INTS4: variants seen among roughly 807,000 people sequenced by gnomAD.
INTS4 encodes MSTP093.
Under a neutral mutation model 119.5 loss-of-function variants are expected in INTS4, and 70 were observed. The observed-to-expected ratio is 0.59, with a 90% CI of 0.48 to 0.71. The LOEUF (loss-of-function observed/expected upper bound fraction) is 0.71, where lower values mean the gene tolerates loss of function less well. Ranked by LOEUF, INTS4 falls within the 30% of genes least tolerant of loss-of-function variation. INTS4 has a pLI of 0.00. For missense variants in INTS4, 867 were observed against 1,173.2 expected, an observed-to-expected ratio of 0.74 and a Z score of 3.81; for synonymous variants, 316 against 419.6, an observed-to-expected ratio of 0.75 and a Z score of 3.02.
chr11:77,991,240 T>C lies in INTS4; in HGVS notation c.114A>G (p.Ala38=), dbSNP rs148695757. Residue 38 remains alanine, a synonymous_variant, in exon 2 of 23, where the codon GCA becomes GCG. Coordinates refer to ENST00000534064, the MANE Select transcript of INTS4 (RefSeq NM_033547.4). ...TAGCTTTACACAGATCTATGTGGAG[T>C]GCTGCAGATTTACTTGGTTTTGTTA... ...LRLTKPSKSA[A]LHIDLCKATS... 3 of 1,613,852 alleles carry C rather than the reference T, an allele frequency of 1.9e-6. No homozygotes were observed. The African/African-American group carries it at 4.0e-5, about 22-fold the overall frequency.
chr11:77,881,091 G>C (rs1456463268), intron 22 of INTS4, among the ~76,000 whole-genome samples: 2 of 152,102 alleles, frequency 1.3e-5, no homozygotes, highest in African/African-American at 2.4e-5. Context: ...GCGGAGAAGA[G>C]AGAAAACAAG....
chr11:77,942,204 G>C (rs1222135816), intron 8 of INTS4, among the ~76,000 whole-genome samples: 1 of 152,204 alleles, frequency 6.6e-6, no homozygotes, highest in Non-Finnish European at 1.5e-5. Context: ...GACAAGAAAA[G>C]AGATTACTGC....
rs1856085891 is a variant in INTS4 at position 77,979,173 on chromosome 11, G to A, written c.365-71C>T. ...TAACTATATAAACTAATTTACTTGG[G>A]TAAAGAATGTAGATTGGCTAGGCGC... is the stretch of plus-strand genomic sequence containing the variant. On this transcript the variant is annotated intron_variant, in intron 3 of 22. Coordinates refer to ENST00000534064, the MANE Select transcript of INTS4 (RefSeq NM_033547.4). 4.7e-6 allele frequency: 4 copies of A among 847,362 alleles called. No individual in the cohort carries two copies. The South Asian group carries it at 5.4e-5, about 11-fold the overall frequency. 52.5% of individuals were successfully genotyped at this position (847,362 alleles called of 1,614,324 possible).
chr11:77,970,681 T>C (rs1286793375), intron 4 of INTS4, among the ~76,000 whole-genome samples: 1 of 151,352 alleles, frequency 6.6e-6, no homozygotes, highest in Non-Finnish European at 1.5e-5. Flanking sequence ...ATACAAAAGT[T>C]AGCCAGGCAT....
intron 15 of INTS4, chr11:77,918,062 A>G (rs1410682327): frequency 3.0e-6 from 2 of 666,402 alleles, no homozygotes; most frequent in Non-Finnish European, 5.3e-6. Context: ...TCCCCACAGG[A>G]TGGAATACAG....
chr11:77,970,773 G>A (rs1411988877), intron 4 of INTS4, among the ~76,000 whole-genome samples: 1 of 152,088 alleles, frequency 6.6e-6, no homozygotes, highest in Non-Finnish European at 1.5e-5. Flanking sequence ...TTTTATTACA[G>A]CCATCCTAGA....
chr11:77,915,079 C>A, intron 15 of INTS4: 1 of 188,216 alleles, frequency 5.3e-6, no homozygotes, highest in East Asian at 1.3e-4. Context: ...GATTCATGTT[C>A]TGCAGCCCTT....
chr11:77,982,966 T>G (rs1045059613), intron 2 of INTS4, among the ~76,000 whole-genome samples: 8 of 152,216 alleles, frequency 5.3e-5, no homozygotes, highest in Non-Finnish European at 1.2e-4. Flanking sequence ...CCACTTATTA[T>G]GCACATAACT....
chr11:77,878,361 CAAAA>C (rs35818983), downstream of INTS4, among the ~76,000 whole-genome samples: 2 of 126,902 alleles, frequency 1.6e-5, no homozygotes, highest in African/African-American at 5.9e-5. Flanking sequence ...GACTCCATCT[CAAAA>C]AAAAAAAAAA....
chr11:77,970,977 T>C (rs1483299913), intron 4 of INTS4, among the ~76,000 whole-genome samples: 1 of 151,736 alleles, frequency 6.6e-6, no homozygotes, highest in Non-Finnish European at 1.5e-5. Context: ...CTGGCTAGTT[T>C]TTGTATTTTT....
chr11:77,928,266 A>C, intron 11 of INTS4, 76 bp downstream of exon 11: 1 of 1,485,978 alleles, frequency 6.7e-7, no homozygotes, highest in Non-Finnish European at 9.3e-7. Flanking sequence ...TCTGTCACCA[A>C]TGCCTAGCAC....
In INTS4 at chr11:77,924,685, A is replaced by C. The variant is rs930181246; in HGVS notation, c.1514+65T>G. On this transcript the variant is annotated intron_variant, in intron 12 of 22. Coordinates refer to ENST00000534064, the MANE Select transcript of INTS4 (RefSeq NM_033547.4). ...TCCTCAATCTATAAGGACGGAACAA[A>C]TGTCAGCATTATACATTTACCACAT... The C allele has an allele frequency of 1.2e-5, 18 of 1,472,840 alleles. No homozygotes were observed. In the South Asian group the frequency reaches 1.9e-4, roughly 15 times the overall value. The allele number at this position is 1,472,840 out of a possible 1,614,324, so 91.2% of individuals were successfully genotyped here.
At chr11:77,989,849 T>C (rs1856596275) in intron 2 of INTS4, among the ~76,000 whole-genome samples, 1 of 151,972 alleles carries the variant, frequency 6.6e-6, no homozygotes, top group Non-Finnish European at 1.5e-5. Context: ...CAGTGAGCCG[T>C]GATAGCACCA....
At chr11:77,964,598 T>TAAATAA (rs984597542) in intron 4 of INTS4, among the ~76,000 whole-genome samples, 4 of 150,490 alleles carry the variant, frequency 2.7e-5, no homozygotes, top group Admixed American at 6.6e-5. Context: ...AAATAAAAAA[T>TAAATAA]AAATAAAAAT....
At chr11:77,920,414 CAGCATTCACG>C (rs1565245132) in intron 14 of INTS4, among the ~76,000 whole-genome samples, 1 of 151,348 alleles carries the variant, frequency 6.6e-6, no homozygotes, top group East Asian at 1.9e-4. Context: ...ACCTGAGCCA[CAGCATTCACG>C]AAGTGTTTGC....
chr11:77,899,100 T>C (rs1177703029), intron 18 of INTS4, among the ~76,000 whole-genome samples: 1 of 152,126 alleles, frequency 6.6e-6, no homozygotes, highest in Non-Finnish European at 1.5e-5. Flanking sequence ...GAGGAAGAGA[T>C]AGGTACTACT....
intron 4 of INTS4, among the ~76,000 whole-genome samples, chr11:77,962,482 T>G (rs982538297): frequency 1.3e-5 from 2 of 152,186 alleles, no homozygotes; most frequent in African/African-American, 4.8e-5. Flanking sequence ...CCAATGCTAC[T>G]AAAACAAGCT....
chr11:77,950,187 G>A (rs1234832423), intron 8 of INTS4, among the ~76,000 whole-genome samples: 1 of 151,954 alleles, frequency 6.6e-6, no homozygotes, highest in Admixed American at 6.6e-5. Flanking sequence ...TGGACACAAG[G>A]AGGGAAACAT....
At chr11:77,954,850 G>A (rs1201671449) in intron 8 of INTS4, among the ~76,000 whole-genome samples, 3 of 152,160 alleles carry the variant, frequency 2.0e-5, no homozygotes, top group Non-Finnish European at 4.4e-5. Flanking sequence ...TCCACAGCCT[G>A]GGGGTTTGAG....
Sources: gnomAD v4.1 joint callset for allele counts (sites outside exome capture counted in the v4.1 genomes callset) on GRCh38, gnomAD v4.1.1 for gene constraint, MANE v1.5 for transcripts, NCBI Gene and HGNC (gene_info 2026-07-23, HGNC 2026-07-21) for gene names.